The following ARHGEF17 variants were observed in gnomAD, a reference collection of about 807,000 sequenced individuals.
The protein encoded by ARHGEF17 is 164 kDa Rho-specific guanine-nucleotide exchange factor.
Under a neutral mutation model 174.0 loss-of-function variants are expected in ARHGEF17, and 80 were observed. The observed-to-expected ratio is 0.46, with a 90% confidence interval of 0.38 to 0.55. The LOEUF (loss-of-function observed/expected upper bound fraction) is 0.55, where lower values mean the gene tolerates loss of function less well. ARHGEF17 is among the 20% of genes least tolerant of loss of function. The pLI, the probability that ARHGEF17 is intolerant of heterozygous loss-of-function variation, is 0.00. For synonymous variants in ARHGEF17, 1,311 were observed against 1,189.1 expected (o/e 1.10, Z -2.11); for missense variants, 2,886 against 2,839.7 (o/e 1.02, Z -0.37).
At chr11:73,343,041 C>G in intron 1 of ARHGEF17, 1 of 283,546 alleles carries the variant, frequency 3.5e-6, no homozygotes, top group East Asian at 6.2e-5. Flanking sequence ...GGGCTGAGCC[C>G]TTAGGGAGCG....
intron 4 of ARHGEF17, 95 bp downstream of exon 4, chr11:73,355,744 G>A: frequency 6.4e-7 from 1 of 1,558,086 alleles, no homozygotes; most frequent in Admixed American, 1.7e-5. Flanking sequence ...CATAGTCCCA[G>A]CCAGTGGGCC....
intron 1 of ARHGEF17, among the ~76,000 whole-genome samples, chr11:73,324,329 G>T (rs1179302153): frequency 6.6e-6 from 1 of 152,158 alleles, no homozygotes; most frequent in Non-Finnish European, 1.5e-5. Context: ...GTGGAGCCTG[G>T]GTACACGTTT....
intron 1 of ARHGEF17, among the ~76,000 whole-genome samples, chr11:73,319,727 A>T (rs1206890407): frequency 1.3e-5 from 2 of 152,214 alleles, no homozygotes; most frequent in African/African-American, 4.8e-5. Context: ...CGTGTTGGGC[A>T]GTGGGGACAC....
At chr11:73,356,650 T>C in intron 6 of ARHGEF17, 59 bp from the exon 7 acceptor site, 1 of 1,603,274 alleles carries the variant, frequency 6.2e-7, no homozygotes, top group Admixed American at 1.7e-5. Context: ...CTGGGATTTT[T>C]GGAGGGGATA....
Position 73,364,608 on chromosome 11 carries a change from G to C in ARHGEF17, c.5550+8G>C, listed in dbSNP as rs770210558. ...GACACGCTGCAGCTGGAGGTAGCAG[G>C]GGGTGGGGGAATGGAATTGGTGCCA... On this transcript the variant is annotated splice_region_variant and intron_variant, in intron 18 of 20. Coordinates refer to ENST00000263674, the MANE Select transcript of ARHGEF17 (RefSeq NM_014786.4). The C allele has an allele frequency of 6.2e-7, 1 of 1,602,638 alleles. No individual in the cohort carries two copies. Among genetic ancestry groups the C allele is most frequent in the Non-Finnish European group, 8.5e-7 (1 of 1,175,632 alleles).
intron 1 of ARHGEF17, among the ~76,000 whole-genome samples, chr11:73,341,092 C>T (rs888637475): frequency 3.9e-5 from 6 of 152,110 alleles, no homozygotes; most frequent in Admixed American, 2.6e-4. Context: ...GGGACAAGGA[C>T]GCTGCCCTCA....
At chr11:73,323,791 A>G (rs992350461) in intron 1 of ARHGEF17, among the ~76,000 whole-genome samples, 9 of 139,742 alleles carry the variant, frequency 6.4e-5, no homozygotes, top group African/African-American at 2.2e-4. Context: ...GTGGAGGAAT[A>G]GGAGAAGGGT....
Position 73,308,801 on chromosome 11 carries a change from T to C in ARHGEF17, c.163T>C (p.Ser55Pro). 11 of 1,362,168 alleles carry C rather than the reference T, an allele frequency of 8.1e-6. No individual in the cohort carries two copies. Among genetic ancestry groups the C allele is most frequent in the Non-Finnish European group, 1.0e-5 (11 of 1,064,530 alleles). 84.4% of individuals were successfully genotyped at this position (1,362,168 alleles called of 1,614,324 possible). Residue 55 changes from serine (S) to proline (P), a missense_variant, in exon 1 of 21, where the codon TCT (serine) becomes CCT (proline). This residue lies in a region of ARHGEF17 where 1,728 missense variants were observed against 1,461.2 expected (regional missense o/e 1.18). Transcript: ENST00000263674. ...GACCACGGCTGCCCGGGGCCAGCCC[T>C]CTCGGCGCGTGTCCAAGCTGGCGTC... The part of the protein sequence containing the change: ...RPTTAARGQP[S>P]RRVSKLASGP...
At chr11:73,342,106 C>T (rs960611844) in intron 1 of ARHGEF17, among the ~76,000 whole-genome samples, 1 of 151,496 alleles carries the variant, frequency 6.6e-6, no homozygotes, top group African/African-American at 2.4e-5. Flanking sequence ...GGTACGGGAG[C>T]ACAGTCTAGG....
intron 1 of ARHGEF17, among the ~76,000 whole-genome samples, chr11:73,337,844 A>G (rs527937727): frequency 6.6e-6 from 1 of 152,338 alleles, no homozygotes; most frequent in Admixed American, 6.5e-5. Flanking sequence ...GTGTACACAG[A>G]CACACAGAGG....
chr11:73,363,693 C>T (rs1321424721), intron 15 of ARHGEF17, 54 bp from the exon 16 acceptor site: 38 of 1,603,590 alleles, frequency 2.4e-5, no homozygotes, highest in Middle Eastern at 1.7e-4. Flanking sequence ...AGGGATGACT[C>T]CAGGGGCTGG....
intron 13 of ARHGEF17, 60 bp from the exon 14 acceptor site, chr11:73,362,373 C>A: frequency 6.8e-7 from 1 of 1,466,852 alleles, no homozygotes; most frequent in African/African-American, 1.4e-5. Flanking sequence ...GTGGGCGTGT[C>A]CACCACCGGG....
intron 1 of ARHGEF17, among the ~76,000 whole-genome samples, chr11:73,344,082 C>T (rs770859600): frequency 3.3e-5 from 5 of 152,176 alleles, no homozygotes; most frequent in Non-Finnish European, 7.4e-5. Flanking sequence ...CTGCTGTATC[C>T]CCCAGTGCCC....
intron 1 of ARHGEF17, among the ~76,000 whole-genome samples, chr11:73,341,611 C>T (rs987597338): frequency 1.3e-5 from 2 of 152,176 alleles, no homozygotes; most frequent in Non-Finnish European, 1.5e-5. Context: ...CGCGCCCGCC[C>T]GAAACTGGTC....
At chr11:73,360,724 G>T (rs1159969872) in intron 11 of ARHGEF17, among the ~76,000 whole-genome samples, 191 bp downstream of exon 11, 1 of 152,202 alleles carries the variant, frequency 6.6e-6, no homozygotes. Flanking sequence ...CTGGCAGGGA[G>T]GGGATTCCAT....
chr11:73,360,585 G>A, intron 11 of ARHGEF17, 52 bp downstream of exon 11: 1 of 1,594,508 alleles, frequency 6.3e-7, no homozygotes. Flanking sequence ...CAGGCAGGAG[G>A]CCAGAGGCAT....
rs575920067 is a variant in ARHGEF17, at chr11:73,327,411, G to A, written c.3192+15581G>A. 2.6e-5 allele frequency among the ~76,000 whole-genome samples: 4 copies of A among 152,368 alleles called. No individual in the cohort carries two copies. In the East Asian group the frequency reaches 5.8e-4, roughly 22 times the overall value. ...ATCAGGAAGGAATTCCCCAGAGTTT[G>A]TAGTGTGTAAAAGGAAGAGTATGAA... On this transcript the variant is annotated intron_variant, in intron 1 of 20. Transcript: ENST00000263674.
At chr11:73,361,943 C>G (rs574921204) in intron 12 of ARHGEF17, 97 bp from the exon 13 acceptor site, 1 of 1,435,248 alleles carries the variant, frequency 7.0e-7, no homozygotes, top group African/African-American at 1.4e-5. Context: ...CCCATGCAGG[C>G]CTGCCTCCCT....
At chr11:73,350,499 A>G (rs1240981466) in intron 2 of ARHGEF17, among the ~76,000 whole-genome samples, 2 of 152,212 alleles carry the variant, frequency 1.3e-5, no homozygotes, top group East Asian at 3.8e-4. Flanking sequence ...CCTAGAGCAC[A>G]GTGGTATTCA....
Sources: allele counts gnomAD v4.1 joint callset (sites outside exome capture counted in the v4.1 genomes callset), GRCh38; gene constraint gnomAD v4.1.1; regional missense constraint gnomAD v4.1.1; transcripts MANE v1.5; gene names NCBI Gene and HGNC (gene_info 2026-07-23, HGNC 2026-07-21).